Variants in SUMF1 observed in about 807,000 individuals in gnomAD.
SUMF1 encodes sulfatase modifying factor 1.
Under a neutral mutation model 47.6 loss-of-function variants are expected in SUMF1, and 48 were observed. The ratio of observed to expected loss-of-function variants is 1.01; its 90% confidence interval spans 0.80 to 1.28. The LOEUF (loss-of-function observed/expected upper bound fraction) is 1.28. Among genes scored for constraint, SUMF1 ranks in the 50% most tolerant of loss-of-function variants. SUMF1 has a pLI of 0.00. For missense variants in SUMF1, 571 were observed against 485.4 expected (o/e 1.18, Z -1.66); for synonymous variants, 230 against 192.1 (o/e 1.20, Z -1.63).
At chr3:4,094,013 T>C (rs1217727587) in intron 8 of SUMF1, among the ~76,000 whole-genome samples, 1 of 152,232 alleles carries the variant, frequency 6.6e-6, no homozygotes, top group East Asian at 1.9e-4. Context: ...AGTAAGGCCC[T>C]GGTCCTGGAT....
chr3:4,222,033 A>T (rs1472304296), intron 8 of SUMF1, among the ~76,000 whole-genome samples: 4 of 152,064 alleles, frequency 2.6e-5, no homozygotes, highest in South Asian at 2.1e-4. Flanking sequence ...ATTTATTGAC[A>T]GGAAAATATC....
At chr3:4,136,480 T>A (rs1045076549) in intron 8 of SUMF1, among the ~76,000 whole-genome samples, 1 of 151,990 alleles carries the variant, frequency 6.6e-6, no homozygotes, top group Non-Finnish European at 1.5e-5. Flanking sequence ...TCAAGATGGA[T>A]TAAAGACTTA....
chr3:4,068,258 G>A (rs964368788), intron 9 of SUMF1, among the ~76,000 whole-genome samples: 1 of 150,798 alleles, frequency 6.6e-6, no homozygotes, highest in Admixed American at 6.7e-5. Context: ...AGCTTGCTCA[G>A]TGGAATGTGT....
intron 9 of SUMF1, among the ~76,000 whole-genome samples, chr3:4,054,754 C>T (rs1695163571): frequency 6.6e-6 from 1 of 152,140 alleles, no homozygotes; most frequent in Non-Finnish European, 1.5e-5. Context: ...TAAACAACTA[C>T]AGTAACAATA....
At chr3:4,285,166 A>G (rs1238026827) in intron 8 of SUMF1, among the ~76,000 whole-genome samples, 1 of 152,192 alleles carries the variant, frequency 6.6e-6, no homozygotes, top group Non-Finnish European at 1.5e-5. Context: ...TAATAGGCAT[A>G]ACTATAGCCA....
chr3:4,169,272 C>A (rs1694778223), intron 8 of SUMF1, among the ~76,000 whole-genome samples: 1 of 152,040 alleles, frequency 6.6e-6, no homozygotes. Flanking sequence ...AGTCCTAATC[C>A]CCAGTATCTA....
intron 8 of SUMF1, chr3:4,316,868 T>G: frequency 6.5e-7 from 1 of 1,549,588 alleles, no homozygotes. Flanking sequence ...CTGAGAAGTA[T>G]GCTCAGGAAA....
intron 8 of SUMF1, among the ~76,000 whole-genome samples, chr3:4,180,096 G>A (rs1373350984): frequency 4.6e-5 from 7 of 152,148 alleles, no homozygotes; most frequent in Non-Finnish European, 1.0e-4. Context: ...ACTGTTGGTG[G>A]GAGTGTAAAT....
At chr3:4,215,376 G>T (rs530224235) in intron 8 of SUMF1, among the ~76,000 whole-genome samples, 4 of 152,020 alleles carry the variant, frequency 2.6e-5, no homozygotes, top group African/African-American at 9.7e-5. Context: ...AATTAACTAG[G>T]TATTGGTGGG....
At chr3:4,217,029 A>T (rs1369976045) in intron 8 of SUMF1, among the ~76,000 whole-genome samples, 2 of 152,186 alleles carry the variant, frequency 1.3e-5, no homozygotes, top group African/African-American at 2.4e-5. Flanking sequence ...TACCCAAAGG[A>T]TTATAAATCA....
At chr3:4,080,226 A>G (rs1692530384) in intron 8 of SUMF1, among the ~76,000 whole-genome samples, 1 of 152,138 alleles carries the variant, frequency 6.6e-6, no homozygotes, top group African/African-American at 2.4e-5. Context: ...CTTTGATCTC[A>G]AACTTAAGTT....
chr3:4,348,667 C>A (rs1473905432), intron 8 of SUMF1, among the ~76,000 whole-genome samples: 3 of 151,624 alleles, frequency 2.0e-5, no homozygotes, highest in African/African-American at 7.3e-5. Context: ...GAGTTTGAGG[C>A]CAGCCTGACC....
intron 8 of SUMF1, among the ~76,000 whole-genome samples, chr3:4,268,258 G>C (rs1020735478): frequency 4.0e-5 from 6 of 151,884 alleles, no homozygotes; most frequent in African/African-American, 1.5e-4. Flanking sequence ...AGAGGGGAGG[G>C]ATAGCATTGG....
chr3:4,455,024 T>A (rs557710320), intron 1 of SUMF1, among the ~76,000 whole-genome samples: 29 of 152,356 alleles, frequency 1.9e-4, no homozygotes, highest in African/African-American at 7.0e-4. Flanking sequence ...ATAACTATAT[T>A]AAAAACCACT....
chr3:4,309,679 C>T (rs1015692363), intron 8 of SUMF1, among the ~76,000 whole-genome samples: 3 of 152,144 alleles, frequency 2.0e-5, no homozygotes, highest in African/African-American at 7.2e-5. Flanking sequence ...CTCAGTAGGC[C>T]TCATCTACGT....
chr3:4,417,259 A>G lies in SUMF1; in HGVS notation c.726-17T>C. On this transcript the variant is annotated splice_polypyrimidine_tract_variant and intron_variant, in intron 5 of 8. Coordinates refer to ENST00000272902, the MANE Select transcript of SUMF1 (RefSeq NM_182760.4). ...GGGAAAAGTCTGTCAGAAGAGACAC[A>G]GGCATCAGCCTGTCAAACAGGCACA... The G allele has an allele frequency of 6.2e-7, 1 of 1,609,892 alleles. No individual in the cohort carries two copies.
chr3:4,274,411 T>C (rs1233629136), intron 8 of SUMF1, among the ~76,000 whole-genome samples: 1 of 152,182 alleles, frequency 6.6e-6, no homozygotes, highest in Non-Finnish European at 1.5e-5. Flanking sequence ...ACTTGTTATA[T>C]ATTATGTCAC....
intron 8 of SUMF1, among the ~76,000 whole-genome samples, chr3:4,180,337 A>G (rs1695065794): frequency 6.6e-6 from 1 of 152,200 alleles, no homozygotes; most frequent in African/African-American, 2.4e-5. Flanking sequence ...AATGTGGCAC[A>G]TATACACCAT....
At chr3:4,465,912 C>T (rs2079932087) in intron 1 of SUMF1, among the ~76,000 whole-genome samples, 1 of 152,182 alleles carries the variant, frequency 6.6e-6, no homozygotes, top group Admixed American at 6.5e-5. Context: ...TGTTACCTCT[C>T]ACCTAAGTCC....
Sources: allele counts gnomAD v4.1 joint callset (sites outside exome capture counted in the v4.1 genomes callset), GRCh38; gene constraint gnomAD v4.1.1; transcripts MANE v1.5; gene names NCBI Gene and HGNC (gene_info 2026-07-23, HGNC 2026-07-21).